The following GTF2E2 variants were observed in gnomAD, a reference collection of about 807,000 sequenced individuals.
GTF2E2 encodes transcription initiation factor IIE subunit beta.
In GTF2E2, 21 loss-of-function variants were observed where a neutral mutation model predicts 40.5. That is an observed-to-expected ratio of 0.52 (90% CI 0.37 to 0.75). The LOEUF (loss-of-function observed/expected upper bound fraction) is 0.75, where lower values mean the gene tolerates loss of function less well. GTF2E2 is among the 30% of genes least tolerant of loss of function. GTF2E2 has a pLI of 0.00. For synonymous variants in GTF2E2, 117 were observed against 121.6 expected (o/e 0.96, Z 0.25); for missense variants, 298 against 338.4 (o/e 0.88, Z 0.94).
rs576140574 is a variant in GTF2E2, at chr8:30,658,143, T to TGGCGGCGGCGGCGGCGGCGGTGGCGGC, written c.-176_-175insGCCGCCACCGCCGCCGCCGCCGCCGCC. The stretch of plus-strand genomic sequence containing the variant: ...CAGGTCGGGGTCTCACCACTGGCGG[T>TGGCGGCGGCGGCGGCGGCGGTGGCGGC]GGCGGCGGCGGCGGCGGCAGCGGCG... On this transcript the variant is annotated 5_prime_UTR_variant, in exon 1 of 8. Coordinates refer to ENST00000355904, the MANE Select transcript of GTF2E2 (RefSeq NM_002095.6). 8 of 185,616 alleles carry TGGCGGCGGCGGCGGCGGCGGTGGCGGC rather than the reference T, an allele frequency of 4.3e-5. No individual in the cohort carries two copies. Among genetic ancestry groups the TGGCGGCGGCGGCGGCGGCGGTGGCGGC allele is most frequent in the Non-Finnish European group, 7.7e-5 (7 of 91,184 alleles). 11.5% of individuals were successfully genotyped at this position (185,616 alleles called of 1,614,324 possible). A position where few individuals can be genotyped will look rare whatever the true frequency, so the allele number is the denominator to read the frequency against.
At chr8:30,634,920 C>T in intron 3 of GTF2E2, 112 bp downstream of exon 3, 1 of 614,998 alleles carries the variant, frequency 1.6e-6, no homozygotes, top group Non-Finnish European at 2.9e-6. Context: ...ACTGAAAATG[C>T]ACAATTTTGA....
chr8:30,617,131 C>T (rs1800943053), intron 3 of GTF2E2, among the ~76,000 whole-genome samples: 1 of 151,858 alleles, frequency 6.6e-6, no homozygotes, highest in African/African-American at 2.4e-5. Flanking sequence ...AAAAAAAAAC[C>T]CAAGCTCCAA....
chr8:30,647,710 A>C (rs1174364417), intron 2 of GTF2E2, among the ~76,000 whole-genome samples: 1 of 152,246 alleles, frequency 6.6e-6, no homozygotes, highest in Non-Finnish European at 1.5e-5. Flanking sequence ...TGAAGCTTGG[A>C]TATATAAAAT....
intron 3 of GTF2E2, among the ~76,000 whole-genome samples, chr8:30,632,444 G>GAC (rs1447459878): frequency 2.0e-5 from 3 of 152,108 alleles, no homozygotes; most frequent in Non-Finnish European, 4.4e-5. Flanking sequence ...TGACAATGGA[G>GAC]ACTGGCTTTG....
At chr8:30,646,462 A>T (rs1390455433) in intron 2 of GTF2E2, among the ~76,000 whole-genome samples, 1 of 151,876 alleles carries the variant, frequency 6.6e-6, no homozygotes, top group Non-Finnish European at 1.5e-5. Flanking sequence ...TTGTGACCCT[A>T]ACACTATTTT....
At chr8:30,619,953 G>A (rs1459693927) in intron 3 of GTF2E2, among the ~76,000 whole-genome samples, 1 of 151,910 alleles carries the variant, frequency 6.6e-6, no homozygotes, top group East Asian at 1.9e-4. Context: ...AAAGAGGGAG[G>A]CAGGAGAGTC....
At chr8:30,640,701 T>C (rs1243545787) in intron 2 of GTF2E2, among the ~76,000 whole-genome samples, 1 of 152,160 alleles carries the variant, frequency 6.6e-6, no homozygotes, top group Non-Finnish European at 1.5e-5. Context: ...ATCCTAATGA[T>C]GTATTTCTAT....
chr8:30,596,161 G>A (rs961308170), intron 6 of GTF2E2, among the ~76,000 whole-genome samples: 2 of 152,156 alleles, frequency 1.3e-5, no homozygotes, highest in African/African-American at 4.8e-5. Context: ...GGTGTTCTCT[G>A]AGCTTCACAG....
At chr8:30,615,146 G>A (rs747843377) in intron 3 of GTF2E2, among the ~76,000 whole-genome samples, 7 of 152,030 alleles carry the variant, frequency 4.6e-5, no homozygotes, top group Admixed American at 1.3e-4. Flanking sequence ...GTGCATGGTG[G>A]TGCATGCTTG....
intron 1 of GTF2E2, among the ~76,000 whole-genome samples, chr8:30,654,331 A>AAT (rs1802388293): frequency 6.6e-6 from 1 of 152,200 alleles, no homozygotes; most frequent in Non-Finnish European, 1.5e-5. Flanking sequence ...TGTTGAAGTG[A>AAT]TACTATTTTG....
At position 30,583,169 on chromosome 8, in the gene GTF2E2, A is replaced by C. The variant is rs1201865466; in HGVS notation, c.644-2773T>G. ...GCCAACATGGTGAAACTGTGTCTCT[A>C]CTAAAAATACAAAAATTAGCTGGGC... On this transcript the variant is annotated intron_variant, in intron 6 of 7. Transcript: ENST00000355904. 2.0e-5 allele frequency among the ~76,000 whole-genome samples: 3 copies of C among 152,108 alleles called. No individual in the cohort carries two copies. The South Asian group carries it at 6.2e-4, about 32-fold the overall frequency.
rs1158905591 is a variant in GTF2E2, at chr8:30,658,097, G to C, written c.-129C>G. 1 of 162,654 alleles carries C rather than the reference G, an allele frequency of 6.1e-6. No individual in the cohort carries two copies. Among genetic ancestry groups the C allele is most frequent in the East Asian group, 1.9e-4 (1 of 5,328 alleles). 10.1% of individuals were successfully genotyped at this position (162,654 alleles called of 1,614,324 possible). A position where few individuals can be genotyped will look rare whatever the true frequency, so the allele number is the denominator to read the frequency against. On this transcript the variant is annotated 5_prime_UTR_variant, in exon 1 of 8. Transcript: ENST00000355904. ...CGTCAGCGCCCCCGCCTGCCCGCAC[G>C]CACGCCCAGCGCTGACCCGCCAGGT...
intron 6 of GTF2E2, among the ~76,000 whole-genome samples, chr8:30,586,598 A>C (rs1297878297): frequency 2.0e-5 from 3 of 152,250 alleles, no homozygotes; most frequent in Non-Finnish European, 4.4e-5. Flanking sequence ...ATCTTGAGCG[A>C]AACAAACAAA....
chr8:30,626,143 C>G (rs1801264965), intron 3 of GTF2E2, among the ~76,000 whole-genome samples: 1 of 152,210 alleles, frequency 6.6e-6, no homozygotes, highest in South Asian at 2.1e-4. Context: ...CAAGAGTCAA[C>G]TGCTTCTTAC....
intron 2 of GTF2E2, chr8:30,645,604 A>G: frequency 6.6e-7 from 1 of 1,523,272 alleles, no homozygotes. Flanking sequence ...CTAACACTCT[A>G]TAGAAGATGA....
intron 3 of GTF2E2, among the ~76,000 whole-genome samples, chr8:30,619,080 T>A (rs1439097927): frequency 2.0e-5 from 3 of 152,054 alleles, no homozygotes; most frequent in Admixed American, 1.3e-4. Flanking sequence ...TAGCTGAGAC[T>A]ACAGGCATGT....
chr8:30,618,365 A>G (rs1800986113), intron 3 of GTF2E2, among the ~76,000 whole-genome samples: 1 of 151,998 alleles, frequency 6.6e-6, no homozygotes, highest in African/African-American at 2.4e-5. Context: ...CTCCTTCATC[A>G]CTAGTAGTAA....
rs1336409741 is a variant in GTF2E2 at position 30,588,084 on chromosome 8, G to A, written c.644-7688C>T. On this transcript the variant is annotated intron_variant, in intron 6 of 7. Transcript: ENST00000355904. ...AAGAGGAAAGATAACATGCACTGATGAGGATGTAGCAGAGGGAACACCTGT... is the reference window on the plus strand; with the variant it reads ...AAGAGGAAAGATAACATGCACTGATAAGGATGTAGCAGAGGGAACACCTGT... Among the ~76,000 whole-genome samples, 5 of 152,302 alleles carry A rather than the reference G, an allele frequency of 3.3e-5. No homozygotes were observed. The East Asian group carries it at 7.7e-4, about 24-fold the overall frequency.
At chr8:30,644,649 G>GT (rs1491537412) in intron 2 of GTF2E2, 1 of 152,096 alleles carries the variant, frequency 6.6e-6, no homozygotes, top group Non-Finnish European at 1.5e-5. Flanking sequence ...AAACGCCAAG[G>GT]TTTTTTGTAG....
Sources: gnomAD v4.1 joint callset for allele counts (sites outside exome capture counted in the v4.1 genomes callset) on GRCh38, gnomAD v4.1.1 for gene constraint, MANE v1.5 for transcripts, NCBI Gene and HGNC (gene_info 2026-07-23, HGNC 2026-07-21) for gene names.